The following TMPRSS15 variants were observed in gnomAD, a reference collection of about 807,000 sequenced individuals.
The protein encoded by TMPRSS15 is enteropeptidase.
Under a neutral mutation model 125.3 loss-of-function variants are expected in TMPRSS15, and 128 were observed. The ratio of observed to expected loss-of-function variants is 1.02; its 90% confidence interval spans 0.89 to 1.18. The LOEUF is 1.18. Among genes scored for constraint, TMPRSS15 ranks in the 50% most tolerant of loss-of-function variants. The pLI, the probability that TMPRSS15 is intolerant of heterozygous loss-of-function variation, is 0.00. For missense variants in TMPRSS15, 1,283 were observed against 1,212.7 expected (o/e 1.06, Z -0.86); for synonymous variants, 446 against 423.2 (o/e 1.05, Z -0.66).
chr21:18,387,747 T>C (rs1246342930), intron 3 of TMPRSS15, among the ~76,000 whole-genome samples: 1 of 152,000 alleles, frequency 6.6e-6, no homozygotes, highest in Non-Finnish European at 1.5e-5. Flanking sequence ...CTAAATCTAG[T>C]ATTGGAGTGC....
At chr21:18,309,680 G>T (rs2075076642) in intron 18 of TMPRSS15, among the ~76,000 whole-genome samples, 1 of 152,122 alleles carries the variant, frequency 6.6e-6, no homozygotes, top group African/African-American at 2.4e-5. Context: ...ATGAAAAAAA[G>T]TTCATCATCA....
At chr21:18,391,729 G>A (rs925265829) in intron 3 of TMPRSS15, among the ~76,000 whole-genome samples, 6 of 152,208 alleles carry the variant, frequency 3.9e-5, no homozygotes, top group Admixed American at 3.9e-4. Context: ...GGGACTCTGT[G>A]TGGGGGCTCT....
chr21:18,322,362 G>T (rs2075247407), intron 16 of TMPRSS15, among the ~76,000 whole-genome samples: 1 of 152,114 alleles, frequency 6.6e-6, no homozygotes, highest in Admixed American at 6.5e-5. Flanking sequence ...TAATTCAGGA[G>T]CCCCTCTGCT....
At position 18,281,096 on chromosome 21, in the gene TMPRSS15, C is replaced by T. The variant is rs186150928; in HGVS notation, c.2612G>A (p.Arg871Gln). Residue 871 changes from arginine to glutamine, a missense_variant, in exon 22 of 25, where the codon CGA (arginine) becomes CAA (glutamine). Transcript: ENST00000284885. ...CATGGCAATGTCGTTGTCCTTTCTT[C>T]GCCTATTGTAATGAGGGTTTATGAC... ...EIVINPHYNR[R>Q]RKDNDIAMMH... The T allele has an allele frequency of 2.7e-5, 44 of 1,613,798 alleles. No homozygotes were observed. The Admixed American group carries it at 3.7e-4, about 13-fold the overall frequency.
At chr21:18,286,927 C>T (rs73208544) in intron 21 of TMPRSS15, among the ~76,000 whole-genome samples, 10,857 of 152,258 alleles carry the variant, frequency 0.071, 469 homozygotes, top group Non-Finnish European at 0.097. Flanking sequence ...TCAGAGTTTG[C>T]TGTTACCTTC....
At chr21:18,408,591 C>T (rs1239832596), upstream of TMPRSS15, among the ~76,000 whole-genome samples, 2 of 151,428 alleles carry the variant, frequency 1.3e-5, no homozygotes, top group Non-Finnish European at 3.0e-5. Flanking sequence ...ATTTCTTTGA[C>T]TTTCTATATA....
intron 24 of TMPRSS15, among the ~76,000 whole-genome samples, chr21:18,273,313 T>C (rs917817878): frequency 6.6e-6 from 1 of 152,212 alleles, no homozygotes; most frequent in Non-Finnish European, 1.5e-5. Context: ...ACTTAAATAA[T>C]GTATCAGTAA....
At chr21:18,410,446 T>C (rs973206054) in intron 1 of TMPRSS15, among the ~76,000 whole-genome samples, 1 of 152,178 alleles carries the variant, frequency 6.6e-6, no homozygotes, top group Non-Finnish European at 1.5e-5. Flanking sequence ...GGTTTGCTAG[T>C]CCTCAGATAT....
intron 16 of TMPRSS15, 55 bp downstream of exon 16, chr21:18,326,377 C>G: frequency 1.2e-6 from 2 of 1,611,478 alleles, no homozygotes; most frequent in Non-Finnish European, 1.7e-6. Flanking sequence ...TTCTGTACAC[C>G]TTTGCTGTTT....
intron 13 of TMPRSS15, 42 bp from the exon 14 acceptor site, chr21:18,332,215 T>TTA (rs2075352844): frequency 6.5e-7 from 1 of 1,529,058 alleles, no homozygotes; most frequent in Non-Finnish European, 9.1e-7. Flanking sequence ...AATACAATGT[T>TTA]TATTTCAGAG....
At chr21:18,447,355 G>T (rs910598152) in intron 1 of TMPRSS15, among the ~76,000 whole-genome samples, 1 of 143,740 alleles carries the variant, frequency 7.0e-6, no homozygotes, top group African/African-American at 2.6e-5. Context: ...CAGGAGAATT[G>T]CTTGAACCCG....
chr21:18,434,504 G>T (rs997883583), intron 1 of TMPRSS15, among the ~76,000 whole-genome samples: 1 of 151,984 alleles, frequency 6.6e-6, no homozygotes, highest in African/African-American at 2.4e-5. Flanking sequence ...AACAGAAGCA[G>T]ACACATATCC....
chr21:18,364,720 A>T (rs1226358430), intron 7 of TMPRSS15, among the ~76,000 whole-genome samples: 1 of 152,204 alleles, frequency 6.6e-6, no homozygotes, highest in Non-Finnish European at 1.5e-5. Context: ...CCTGCTCTTA[A>T]TCTGCTGTAA....
intron 1 of TMPRSS15, among the ~76,000 whole-genome samples, chr21:18,461,359 T>C (rs1978547903): frequency 6.6e-6 from 1 of 152,166 alleles, no homozygotes; most frequent in African/African-American, 2.4e-5. Flanking sequence ...TCCTTGACTG[T>C]AGCACTCACA....
At chr21:18,273,712 C>T (rs1458323888) in intron 24 of TMPRSS15, among the ~76,000 whole-genome samples, 1 of 152,152 alleles carries the variant, frequency 6.6e-6, no homozygotes, top group Non-Finnish European at 1.5e-5. Context: ...TTCTATAGAT[C>T]TCCTTCTAAG....
intron 6 of TMPRSS15, 103 bp from the exon 7 acceptor site, chr21:18,365,351 A>G: frequency 1.1e-6 from 1 of 911,384 alleles, no homozygotes; most frequent in South Asian, 1.4e-5. Flanking sequence ...GTACAAGGTT[A>G]TTTTATGAAA....
At chr21:18,296,299 A>T (rs1189680958) in intron 19 of TMPRSS15, among the ~76,000 whole-genome samples, 1 of 152,222 alleles carries the variant, frequency 6.6e-6, no homozygotes, top group Non-Finnish European at 1.5e-5. Flanking sequence ...CAGTTTTCAT[A>T]GGGATACAAA....
chr21:18,297,358 C>G lies in TMPRSS15; in HGVS notation c.2261+376G>C, dbSNP rs534882375. 7.2e-5 allele frequency among the ~76,000 whole-genome samples: 11 copies of G among 152,224 alleles called. No individual in the cohort carries two copies. In the South Asian group the frequency reaches 2.1e-3, roughly 29 times the overall value. On this transcript the variant is annotated intron_variant, in intron 19 of 24. Coordinates refer to ENST00000284885, the MANE Select transcript of TMPRSS15 (RefSeq NM_002772.3). Reference sequence around the variant, plus strand: ...CTCTTTTAGTGGTAGCTAATTTGGTCTGCCTCCAGTCTGATCAACACTGGA... The same window carrying G: ...CTCTTTTAGTGGTAGCTAATTTGGTGTGCCTCCAGTCTGATCAACACTGGA...
At chr21:18,459,286 TC>T (rs1402281557) in intron 1 of TMPRSS15, among the ~76,000 whole-genome samples, 40 of 152,212 alleles carry the variant, frequency 2.6e-4, no homozygotes, top group African/African-American at 7.2e-4. Context: ...TTTTTCTTTT[TC>T]TTTTGAGACA....
Sources: allele counts gnomAD v4.1 joint callset (sites outside exome capture counted in the v4.1 genomes callset), GRCh38; gene constraint gnomAD v4.1.1; transcripts MANE v1.5; gene names NCBI Gene and HGNC (gene_info 2026-07-23, HGNC 2026-07-21).